The following PRDM1 variants were observed in gnomAD, a reference collection of about 807,000 sequenced individuals.
PRDM1 encodes PR/SET domain 1, also known as PR domain zinc finger protein 1.
Under a neutral mutation model 62.8 loss-of-function variants are expected in PRDM1, and 13 were observed. The observed-to-expected ratio is 0.21, with a 90% confidence interval of 0.13 to 0.33. PRDM1 has a LOEUF of 0.33. PRDM1 is among the 10% of genes least tolerant of loss of function. PRDM1 has a pLI of 1.00. For synonymous variants in PRDM1, 396 were observed against 417.6 expected, an observed-to-expected ratio of 0.95 and a Z score of 0.63; for missense variants, 895 against 1,058.8, an observed-to-expected ratio of 0.85 and a Z score of 2.15.
At chr6:106,041,530 G>A (rs1013500231) in intron 1 of PRDM1, among the ~76,000 whole-genome samples, 2 of 152,070 alleles carry the variant, frequency 1.3e-5, no homozygotes, top group African/African-American at 4.8e-5. Flanking sequence ...TACAGAAAAG[G>A]CTAAAAATTA....
chr6:106,074,749 C>T (rs772083258), intron 1 of PRDM1, among the ~76,000 whole-genome samples: 7 of 152,050 alleles, frequency 4.6e-5, no homozygotes, highest in Non-Finnish European at 8.8e-5. Flanking sequence ...CCAAGGCGGG[C>T]GGATCGCTTG....
intron 1 of PRDM1, among the ~76,000 whole-genome samples, chr6:106,075,323 T>A (rs1448410953): frequency 6.6e-6 from 1 of 152,226 alleles, no homozygotes; most frequent in Non-Finnish European, 1.5e-5. Flanking sequence ...TAAATTAGAT[T>A]TCTGGGAGCT....
rs1427421135 is a variant in PRDM1 at position 106,086,727 on chromosome 6, ACTTAGTGCT to A, written c.42+133_42+141del. On this transcript the variant is annotated intron_variant, in intron 1 of 6. Coordinates refer to ENST00000369096, the MANE Select transcript of PRDM1 (RefSeq NM_001198.4). ...TAGAAACATGCTTCTGCTTTAGTGCACTTAGTGCTGTCAAACATTTGTGAGACTTTCCTT... is the reference window on the plus strand; with the variant it reads ...TAGAAACATGCTTCTGCTTTAGTGCAGTCAAACATTTGTGAGACTTTCCTT... The A allele has an allele frequency of 1.6e-5, 12 of 751,040 alleles. No individual in the cohort carries two copies. In the Admixed American group the frequency reaches 3.5e-4, roughly 22 times the overall value. 46.5% of individuals were successfully genotyped at this position (751,040 alleles called of 1,614,324 possible).
intron 1 of PRDM1, among the ~76,000 whole-genome samples, chr6:106,077,227 A>C (rs920095041): frequency 6.6e-6 from 1 of 152,208 alleles, no homozygotes; most frequent in Non-Finnish European, 1.5e-5. Flanking sequence ...ATGGGAGCTG[A>C]GAACCATTTT....
intron 1 of PRDM1, among the ~76,000 whole-genome samples, chr6:106,077,950 G>C (rs1246306841): frequency 6.6e-6 from 1 of 152,228 alleles, no homozygotes; most frequent in Admixed American, 6.5e-5. Context: ...TGAGGTAACT[G>C]TGATGAGATC....
intron 4 of PRDM1, chr6:106,100,256 T>G (rs530239): frequency 0.26 from 38,985 of 152,194 alleles, 5,164 homozygotes; most frequent in South Asian, 0.3. Context: ...GTGATCTCTT[T>G]GAGCAATTTA....
intron 1 of PRDM1, among the ~76,000 whole-genome samples, chr6:106,034,728 T>A (rs1772900382): frequency 7.0e-6 from 1 of 143,074 alleles, no homozygotes; most frequent in Non-Finnish European, 1.5e-5. Flanking sequence ...ACCTCCCGGG[T>A]TCAAGTGATT....
At chr6:106,101,886 A>G (rs1255009396) in intron 4 of PRDM1, among the ~76,000 whole-genome samples, 1 of 152,248 alleles carries the variant, frequency 6.6e-6, no homozygotes, top group African/African-American at 2.4e-5. Flanking sequence ...AAATCACAAA[A>G]TGGCATTTTT....
rs140638157 is a variant in PRDM1 at position 106,104,094 on chromosome 6, G to A, written c.665-731G>A. ...AATGAGTCTTAATCTTTCACATTTA[G>A]TTCTCAGGGTATGCTGATTTCCTTT... is the stretch of plus-strand genomic sequence containing the variant. On this transcript the variant is annotated intron_variant, in intron 4 of 6. Coordinates refer to ENST00000369096, the MANE Select transcript of PRDM1 (RefSeq NM_001198.4). Among the ~76,000 whole-genome samples, 45 of 152,222 alleles carry A rather than the reference G, an allele frequency of 3.0e-4. No homozygotes were observed. The East Asian group carries it at 8.3e-3, about 28-fold the overall frequency.
upstream of PRDM1, among the ~76,000 whole-genome samples, chr6:106,048,530 CTA>C (rs530391607): frequency 2.6e-5 from 4 of 152,166 alleles, no homozygotes; most frequent in Non-Finnish European, 5.9e-5. Context: ...ACCGCTGAGC[CTA>C]TGTTTGACTT....
At chr6:106,001,739 G>A (rs1324825772) in intron 1 of PRDM1, among the ~76,000 whole-genome samples, 1 of 152,112 alleles carries the variant, frequency 6.6e-6, no homozygotes, top group Non-Finnish European at 1.5e-5. Flanking sequence ...ATTGCTGTAT[G>A]TCTTGATATC....
At chr6:106,103,397 A>C (rs562908287) in intron 4 of PRDM1, among the ~76,000 whole-genome samples, 1 of 152,256 alleles carries the variant, frequency 6.6e-6, no homozygotes, top group Admixed American at 6.5e-5. Flanking sequence ...CATTTTTTAG[A>C]CGATGAAGGA....
rs1476924835 is a variant in PRDM1 at position 106,099,304 on chromosome 6, A to G, written c.416A>G (p.Tyr139Cys). ...NANRKYFWRIYSRGELHHFID... is the reference protein window; with the variant it reads ...NANRKYFWRICSRGELHHFID... ...CCTGTCTTCTCTTTTGGACAGATCT[A>G]TTCCAGAGGGGAGCTTCACCACTTC... Residue 139 changes from tyrosine (Y) to cysteine (C), a missense_variant, in exon 4 of 7, where the codon TAT (tyrosine) becomes TGT (cysteine). Physicochemically the swap from Tyr to Cys is radical, Grantham distance 194. Transcript: ENST00000369096. The G allele has an allele frequency of 5.6e-6, 9 of 1,614,094 alleles. No homozygotes were observed. Among genetic ancestry groups the G allele is most frequent in the Non-Finnish European group, 7.6e-6 (9 of 1,180,002 alleles).
upstream of PRDM1, among the ~76,000 whole-genome samples, chr6:106,083,310 T>C (rs1773726239): frequency 6.6e-6 from 1 of 152,078 alleles, no homozygotes; most frequent in East Asian, 1.9e-4. Flanking sequence ...TGTTTGGGTA[T>C]GGCAGGAGTT....
intron 1 of PRDM1, among the ~76,000 whole-genome samples, chr6:106,027,061 A>C (rs944709107): frequency 1.3e-5 from 2 of 152,096 alleles, no homozygotes; most frequent in African/African-American, 4.8e-5. Context: ...GATCCCCACC[A>C]CCCACCTTAT....
chr6:106,085,308 G>GA (rs1489289288), upstream of PRDM1, among the ~76,000 whole-genome samples: 1 of 152,158 alleles, frequency 6.6e-6, no homozygotes, highest in Non-Finnish European at 1.5e-5. Context: ...AGGCAAGCAG[G>GA]AAAAATGGAA....
intron 1 of PRDM1, among the ~76,000 whole-genome samples, chr6:106,035,025 C>G (rs1467958710): frequency 6.6e-6 from 1 of 152,140 alleles, no homozygotes; most frequent in Non-Finnish European, 1.5e-5. Flanking sequence ...ATTGTTATTG[C>G]ATAGAATGTC....
rs1260512890 is a variant in PRDM1, at chr6:105,994,736, T to C, written c.-67+1097T>C. Among the ~76,000 whole-genome samples, 1 of 152,182 alleles carries C rather than the reference T, an allele frequency of 6.6e-6. No homozygotes were observed. ...CCCGGATCCTCCTGCGGTCAAAGCA[T>C]CAGTCCTGCCCGTAACTTCCTAACG... On this transcript the variant is annotated intron_variant, in intron 1 of 6. Coordinates refer to the PRDM1 transcript ENST00000652320. The surrounding 1 kb of genome is among the most constrained non-coding windows in gnomAD (Gnocchi z 4.1).
At chr6:106,039,172 A>G (rs1279591451) in intron 1 of PRDM1, among the ~76,000 whole-genome samples, 4 of 152,194 alleles carry the variant, frequency 2.6e-5, no homozygotes, top group Non-Finnish European at 4.4e-5. Context: ...AGAAACAGCT[A>G]TGTTATAAGA....
Sources: allele counts gnomAD v4.1 joint callset (sites outside exome capture counted in the v4.1 genomes callset), GRCh38; gene constraint gnomAD v4.1.1; non-coding constraint Gnocchi (gnomAD v3.1); transcripts MANE v1.5; gene names NCBI Gene and HGNC (gene_info 2026-07-23, HGNC 2026-07-21).